GFRA4: variants seen among roughly 807,000 people sequenced by gnomAD.
GFRA4 encodes GDNF family receptor alpha-4.
Under a neutral mutation model 28.5 loss-of-function variants are expected in GFRA4, and 31 were observed. The observed-to-expected ratio is 1.09, with a 90% confidence interval of 0.82 to 1.47. The LOEUF (loss-of-function observed/expected upper bound fraction) is 1.47, where lower values mean the gene tolerates loss of function less well. Ranked by LOEUF, GFRA4 falls within the 40% of genes most tolerant of loss-of-function variation. GFRA4 has a pLI of 0.00. For missense variants in GFRA4, 389 were observed against 413.2 expected (o/e 0.94, Z 0.51); for synonymous variants, 188 against 188.0 (o/e 1.00, Z 0.00).
rs1376600641 is a variant in GFRA4, at chr20:3,660,669, A to T, written c.503-9T>A. On this transcript the variant is annotated splice_polypyrimidine_tract_variant and intron_variant, in intron 3 of 5. Coordinates refer to ENST00000290417, the MANE Select transcript of GFRA4 (RefSeq NM_022139.4). ...AGGGGTGACGGCGGTGCCTGCGGGG[A>T]CCCTGAGGGCGAAGTCATCGGCCCA... 4 of 1,541,126 alleles carry T rather than the reference A, an allele frequency of 2.6e-6. No individual in the cohort carries two copies. The East Asian group carries it at 9.9e-5, about 38-fold the overall frequency.
chr20:3,660,958 G>T lies in GFRA4; in HGVS notation c.378C>A (p.Arg126=). The T allele has an allele frequency of 7.0e-7, 1 of 1,430,412 alleles. No homozygotes were observed. Among genetic ancestry groups the T allele is most frequent in the Non-Finnish European group, 9.1e-7 (1 of 1,102,730 alleles). The allele number at this position is 1,430,412 out of a possible 1,614,324, so 88.6% of individuals were successfully genotyped here. ...SCLEPLNFCE[R]SRVCRPRLLA... Reference sequence around the variant, plus strand: ...CCCGCGCGCACCTGCAGACCCGGCTGCGCTCGCAGAAGTTTAAGGGCTCAA... The same window carrying T: ...CCCGCGCGCACCTGCAGACCCGGCTTCGCTCGCAGAAGTTTAAGGGCTCAA... Residue 126 remains arginine, a synonymous_variant, in exon 2 of 6, where the codon CGC becomes CGA. Transcript: ENST00000290417.
At position 3,660,958 on chromosome 20, in the gene GFRA4, G is replaced by A; in HGVS notation, c.378C>T (p.Arg126=). Residue 126 remains arginine, a synonymous_variant, in exon 2 of 6, where the codon CGC becomes CGT. Transcript: ENST00000290417. ...CCCGCGCGCACCTGCAGACCCGGCT[G>A]CGCTCGCAGAAGTTTAAGGGCTCAA... is the stretch of plus-strand genomic sequence containing the variant. ...SCLEPLNFCE[R]SRVCRPRLLA... is the part of the protein sequence containing the mutation. 1 of 1,430,412 alleles carries A rather than the reference G, an allele frequency of 7.0e-7. No individual in the cohort carries two copies. The highest frequency in any genetic ancestry group is 9.1e-7 in the Non-Finnish European group (1 of 1,102,730). 88.6% of individuals were successfully genotyped at this position (1,430,412 alleles called of 1,614,324 possible).
intron 1 of GFRA4, among the ~76,000 whole-genome samples, chr20:3,661,873 C>G (rs935614245): frequency 3.9e-5 from 6 of 152,064 alleles, no homozygotes; most frequent in African/African-American, 1.4e-4. Context: ...CCTCCTCCTG[C>G]CCCCTGCATG....
chr20:3,661,706 A>G lies in GFRA4; in HGVS notation c.47-417T>C, dbSNP rs539921426. On this transcript the variant is annotated intron_variant, in intron 1 of 5. Transcript: ENST00000290417. ...TGGAGACTTTAAAACCAGAGATGGC[A>G]TAGAAGACAGTGGCTGCTCCTAGTC... 3.9e-5 allele frequency among the ~76,000 whole-genome samples: 6 copies of G among 152,350 alleles called. 1 individual carries two copies. Among genetic ancestry groups the G allele is most frequent in the Middle Eastern group, 3.4e-3 (1 of 294 alleles).
chr20:3,663,338 A>G lies in GFRA4; in HGVS notation c.46+16T>C. 6.2e-7 allele frequency: 1 copy of G among 1,608,544 alleles called. No individual in the cohort carries two copies. Reference sequence around the variant, plus strand: ...AGGCCAGGGTTCGGGGTCCAGGGGAAGAGAGGGGCGCTCACCCAGTAACAG... The same window carrying G: ...AGGCCAGGGTTCGGGGTCCAGGGGAGGAGAGGGGCGCTCACCCAGTAACAG... On this transcript the variant is annotated intron_variant, in intron 1 of 5. Transcript: ENST00000290417.
chr20:3,659,877 G>T lies in GFRA4; in HGVS notation c.*32C>A. 6.4e-7 allele frequency: 1 copy of T among 1,561,806 alleles called. No individual in the cohort carries two copies. The highest frequency in any genetic ancestry group is 2.3e-5 in the East Asian group (1 of 43,054). On this transcript the variant is annotated 3_prime_UTR_variant, in exon 6 of 6. Coordinates refer to ENST00000290417, the MANE Select transcript of GFRA4 (RefSeq NM_022139.4). ...CGGCCCAGGCAGGCAGGGTGGAGTA[G>T]CTGGCTGTGCTATCCGAGGTCGCTG...
rs1160925527 is a variant in GFRA4, at chr20:3,663,349, C to G, written c.46+5G>C. Reference sequence around the variant, plus strand: ...CGGGGTCCAGGGGAAGAGAGGGGCGCTCACCCAGTAACAGCAGCAGCAGCA... The same window carrying G: ...CGGGGTCCAGGGGAAGAGAGGGGCGGTCACCCAGTAACAGCAGCAGCAGCA... On this transcript the variant is annotated splice_donor_5th_base_variant and intron_variant, in intron 1 of 5. Transcript: ENST00000290417. 3 of 1,610,056 alleles carry G rather than the reference C, an allele frequency of 1.9e-6. No homozygotes were observed. The African/African-American group carries it at 4.0e-5, about 21-fold the overall frequency.
chr20:3,661,585 G>A (rs1035803825), intron 1 of GFRA4, among the ~76,000 whole-genome samples: 4 of 151,810 alleles, frequency 2.6e-5, no homozygotes, highest in African/African-American at 4.9e-5. Context: ...TCTCCAGAAC[G>A]GCCACACACG....
At chr20:3,661,392 G>T (rs2087223846) in intron 1 of GFRA4, 103 bp from the exon 2 acceptor site, 1 of 1,327,264 alleles carries the variant, frequency 7.5e-7, no homozygotes, top group Admixed American at 4.0e-5. Flanking sequence ...GAAAACCCGA[G>T]AAAGCATAGA....
Position 3,660,528 on chromosome 20 carries a change from A to G in GFRA4, c.635T>C (p.Leu212Ser). Residue 212 changes from leucine to serine, a missense_variant and splice_region_variant, in exon 4 of 6, where the codon TTG (leucine) becomes TCG (serine). Leu to Ser is a moderately radical substitution (Grantham distance 145). Transcript: ENST00000290417. ...CCACTCCCCCCCGGGCCCCTCACCCAAGCAGCGGTTCCTGGTAAAGAGCCC... is the reference window on the plus strand; with the variant it reads ...CCACTCCCCCCCGGGCCCCTCACCCGAGCAGCGGTTCCTGGTAAAGAGCCC... ...FRGLFTRNRC[L>S]DGAIQAFASG... 1 of 1,014,182 alleles carries G rather than the reference A, an allele frequency of 9.9e-7. No homozygotes were observed. Among genetic ancestry groups the G allele is most frequent in the South Asian group, 1.4e-5 (1 of 73,706 alleles). 62.8% of individuals were successfully genotyped at this position (1,014,182 alleles called of 1,614,324 possible).
At chr20:3,663,273 T>A in intron 1 of GFRA4, 81 bp downstream of exon 1, 1 of 1,504,368 alleles carries the variant, frequency 6.6e-7, no homozygotes. Context: ...TCCTGGAATA[T>A]CTTGCCCTCC....
intron 1 of GFRA4, among the ~76,000 whole-genome samples, chr20:3,662,066 T>A (rs535268220): frequency 1.6e-4 from 24 of 152,202 alleles, no homozygotes; most frequent in South Asian, 4.2e-4. Context: ...TTCAGAGAAG[T>A]CCCTGACGAC....
rs1469864150 is a variant in GFRA4 at position 3,663,389 on chromosome 20, C to G, written c.11G>C (p.Cys4Ser). The change falls in exon 1 of 6, where the codon TGC becomes TCC. Residue 4 changes from cysteine to serine, a missense_variant. By Grantham distance (112) the Cys-to-Ser change is moderately radical. Transcript: ENST00000290417. Reference protein sequence around the residue: MVRCLGPALLLLLL... With the variant: MVRSLGPALLLLLL... ...CAGCAGCAGCAGCGCAGGCCCCAGG[C>G]AGCGGACCATGCTGGACCTTCAACA... The G allele has an allele frequency of 6.2e-7, 1 of 1,610,664 alleles. No homozygotes were observed. Among genetic ancestry groups the G allele is most frequent in the Admixed American group, 1.7e-5 (1 of 59,690 alleles).
At chr20:3,660,121 G>C (rs553182220) in intron 5 of GFRA4, 37 bp downstream of exon 5, 1 of 1,542,418 alleles carries the variant, frequency 6.5e-7, no homozygotes, top group African/African-American at 1.4e-5. Context: ...GTGACAGTGG[G>C]GGAGGTGCCA....
Position 3,660,825 on chromosome 20 carries a change from C to T in GFRA4, c.432G>A (p.Ala144=), listed in dbSNP as rs922581296. 2.1e-6 allele frequency: 3 copies of T among 1,422,080 alleles called. No homozygotes were observed. The highest frequency in any genetic ancestry group is 6.5e-5 in the Admixed American group (2 of 30,982). 88.1% of individuals were successfully genotyped at this position (1,422,080 alleles called of 1,614,324 possible). A position where few individuals can be genotyped will look rare whatever the true frequency, so the allele number is the denominator to read the frequency against. The change falls in exon 3 of 6, where the codon GCG becomes GCA. Residue 144 remains alanine, a synonymous_variant. Transcript: ENST00000290417. ...LLAFQVSCTP[A]PSAPDGCLLD... ...GCAGGCAGCCGTCGGGGGCGCTGGGCGCTGGGGTGCACGAGACCTGAAAGG... is the reference window on the plus strand; with the variant it reads ...GCAGGCAGCCGTCGGGGGCGCTGGGTGCTGGGGTGCACGAGACCTGAAAGG...
chr20:3,663,217 G>A (rs531712483), intron 1 of GFRA4, 137 bp downstream of exon 1: 16 of 1,030,628 alleles, frequency 1.6e-5, no homozygotes, highest in Non-Finnish European at 1.9e-5. Context: ...TCCCCAAGCC[G>A]TGCGCACAGG....
intron 1 of GFRA4, among the ~76,000 whole-genome samples, chr20:3,662,779 G>A (rs2087236449): frequency 6.6e-6 from 1 of 152,104 alleles, no homozygotes; most frequent in Non-Finnish European, 1.5e-5. Flanking sequence ...GTTGCCTAAG[G>A]GTTTGAACCC....
rs2087206249 is a variant in GFRA4, at chr20:3,660,516, G to A, written c.637+10C>T. On this transcript the variant is annotated intron_variant, in intron 4 of 5. Coordinates refer to ENST00000290417, the MANE Select transcript of GFRA4 (RefSeq NM_022139.4). ...CCCACTCCCCCTCCACTCCCCCCCG[G>A]GCCCCTCACCCAAGCAGCGGTTCCT... is the stretch of plus-strand genomic sequence containing the variant. The A allele has an allele frequency of 6.5e-7, 1 of 1,543,888 alleles. No individual in the cohort carries two copies. Among genetic ancestry groups the A allele is most frequent in the Non-Finnish European group, 8.7e-7 (1 of 1,144,208 alleles).
intron 1 of GFRA4, among the ~76,000 whole-genome samples, chr20:3,662,482 TCC>T (rs10716623): frequency 2.6e-5 from 4 of 151,966 alleles, no homozygotes; most frequent in South Asian, 2.1e-4. Context: ...CGGGGTGGTA[TCC>T]CCCCCCCAGG....
Sources: allele counts gnomAD v4.1 joint callset (sites outside exome capture counted in the v4.1 genomes callset), GRCh38; gene constraint gnomAD v4.1.1; transcripts MANE v1.5; gene names NCBI Gene and HGNC (gene_info 2026-07-23, HGNC 2026-07-21).